The following UHRF2 variants were observed in gnomAD, a reference collection of about 807,000 sequenced individuals.
UHRF2 encodes the protein E3 ubiquitin-protein ligase UHRF2.
In UHRF2, 23 loss-of-function variants were observed where a neutral mutation model predicts 96.8. That is an observed-to-expected ratio of 0.24 (90% CI 0.17 to 0.34). UHRF2 has a LOEUF of 0.34. Ranked by LOEUF, UHRF2 falls within the 10% of genes least tolerant of loss-of-function variation. UHRF2 has a pLI of 1.00. For missense variants in UHRF2, 685 were observed against 981.5 expected (o/e 0.70, Z 4.04); for synonymous variants, 385 against 332.6 (o/e 1.16, Z -1.72).
intron 11 of UHRF2, 29 bp downstream of exon 11, chr9:6,497,389 G>T: frequency 6.2e-7 from 1 of 1,607,238 alleles, no homozygotes; most frequent in Non-Finnish European, 8.5e-7. Flanking sequence ...CATCTTGTTT[G>T]TCATTCTTCC....
Position 6,493,946 on chromosome 9 carries a change from C to G in UHRF2, c.1604+14C>G. On this transcript the variant is annotated intron_variant, in intron 10 of 15. Coordinates refer to ENST00000276893, the MANE Select transcript of UHRF2 (RefSeq NM_152896.3). ...AAACATGAACAGGTACTACTATAGACACTGTTTAGAATTTGAACATTGAAT... is the reference window on the plus strand; with the variant it reads ...AAACATGAACAGGTACTACTATAGAGACTGTTTAGAATTTGAACATTGAAT... 1.2e-6 allele frequency: 2 copies of G among 1,602,372 alleles called. No individual in the cohort carries two copies. Among genetic ancestry groups the G allele is most frequent in the Non-Finnish European group, 1.7e-6 (2 of 1,170,646 alleles).
intron 4 of UHRF2, among the ~76,000 whole-genome samples, chr9:6,462,808 A>G (rs531542758): frequency 1.1e-4 from 16 of 152,140 alleles, no homozygotes; most frequent in African/African-American, 2.9e-4. Context: ...TCCCAGCTAC[A>G]TGGGTGGCTG....
chr9:6,420,706 C>CA (rs879041284), intron 1 of UHRF2, among the ~76,000 whole-genome samples: 948 of 70,632 alleles, frequency 0.013, 1 homozygote, highest in African/African-American at 0.016. Context: ...GACACCGTCT[C>CA]AAAAAAAAAA....
At chr9:6,435,510 T>C (rs1820791342) in intron 3 of UHRF2, among the ~76,000 whole-genome samples, 1 of 152,214 alleles carries the variant, frequency 6.6e-6, no homozygotes, top group South Asian at 2.1e-4. Context: ...GTTTTTGACG[T>C]ACTACCACAA....
At chr9:6,468,512 T>C (rs1823016061) in intron 4 of UHRF2, 1 of 455,938 alleles carries the variant, frequency 2.2e-6, no homozygotes, top group South Asian at 1.5e-5. Flanking sequence ...AGCTTTGTAG[T>C]TGTGTTTTGC....
chr9:6,441,208 G>C (rs1466646137), intron 3 of UHRF2, among the ~76,000 whole-genome samples: 1 of 151,750 alleles, frequency 6.6e-6, no homozygotes, highest in Non-Finnish European at 1.5e-5. Flanking sequence ...GCAAAACCCA[G>C]TCTCTACAAA....
chr9:6,440,952 C>T (rs529986928), intron 3 of UHRF2, among the ~76,000 whole-genome samples: 1 of 152,188 alleles, frequency 6.6e-6, no homozygotes, highest in South Asian at 2.1e-4. Flanking sequence ...GATTCTATTT[C>T]ATTCCCTGTG....
intron 3 of UHRF2, among the ~76,000 whole-genome samples, chr9:6,437,797 T>C (rs1239516950): frequency 6.6e-6 from 1 of 152,102 alleles, no homozygotes; most frequent in Admixed American, 6.5e-5. Context: ...TTTGTATTTT[T>C]AGTTGAGACT....
intron 4 of UHRF2, among the ~76,000 whole-genome samples, chr9:6,469,918 CT>C (rs1463520237): frequency 1.3e-5 from 2 of 151,896 alleles, no homozygotes; most frequent in Non-Finnish European, 2.9e-5. Flanking sequence ...CAAAGAAGTT[CT>C]GTAAATTCTA....
At chr9:6,484,493 C>T (rs780545247) in intron 8 of UHRF2, 59 of 150,610 alleles carry the variant, frequency 3.9e-4, no homozygotes, top group African/African-American at 1.2e-3. Flanking sequence ...ACAGTCCCCT[C>T]CTGGGCTCAA....
At chr9:6,461,358 C>A (rs527551331) in intron 4 of UHRF2, among the ~76,000 whole-genome samples, 6 of 95,260 alleles carry the variant, frequency 6.3e-5, no homozygotes, top group Admixed American at 2.4e-4. Context: ...TCTCTCCCCC[C>A]CCTCCTCCTC....
chr9:6,483,535 C>T (rs1363965125), intron 8 of UHRF2, among the ~76,000 whole-genome samples: 1 of 152,090 alleles, frequency 6.6e-6, no homozygotes, highest in Non-Finnish European at 1.5e-5. Context: ...ACACAGCCGT[C>T]TGTTTATTTT....
chr9:6,481,865 T>A, intron 7 of UHRF2, 99 bp downstream of exon 7: 6 of 1,539,568 alleles, frequency 3.9e-6, no homozygotes, highest in Non-Finnish European at 5.3e-6. Context: ...AACAGTATCA[T>A]TATTTGTTAA....
At chr9:6,479,198 T>C (rs1272104922) in intron 6 of UHRF2, among the ~76,000 whole-genome samples, 1 of 152,198 alleles carries the variant, frequency 6.6e-6, no homozygotes, top group East Asian at 1.9e-4. Context: ...TCTCTACTAA[T>C]TGTTTCCATT....
intron 3 of UHRF2, among the ~76,000 whole-genome samples, chr9:6,441,373 C>G (rs901142373): frequency 3.4e-5 from 5 of 149,184 alleles, no homozygotes; most frequent in African/African-American, 1.2e-4. Context: ...AAACCTGTCT[C>G]TACCCCTCCC....
intron 4 of UHRF2, among the ~76,000 whole-genome samples, chr9:6,473,123 C>G (rs1823349224): frequency 6.6e-6 from 1 of 152,104 alleles, no homozygotes; most frequent in East Asian, 1.9e-4. Context: ...CAAGATGAAC[C>G]TGGAATATCT....
chr9:6,494,134 C>G (rs956038147), intron 10 of UHRF2: 5 of 509,442 alleles, frequency 9.8e-6, no homozygotes, highest in African/African-American at 5.8e-5. Context: ...GCCATAATTT[C>G]TAGTCTTACT....
chr9:6,416,535 C>CTTTTTTTTTTTT (rs60522189), intron 1 of UHRF2, among the ~76,000 whole-genome samples: 2 of 64,932 alleles, frequency 3.1e-5, no homozygotes, highest in Non-Finnish European at 5.3e-5. Flanking sequence ...ATCTCTAAAT[C>CTTTTTTTTTTTT]TTTTTTTTTT....
intron 2 of UHRF2, chr9:6,423,041 C>T (rs540379668): frequency 2.9e-5 from 5 of 172,778 alleles, no homozygotes; most frequent in Admixed American, 6.3e-5. Context: ...TTATCAGTTG[C>T]GATAAATGGG....
Sources: allele counts gnomAD v4.1 joint callset (sites outside exome capture counted in the v4.1 genomes callset), GRCh38; gene constraint gnomAD v4.1.1; transcripts MANE v1.5; gene names NCBI Gene and HGNC (gene_info 2026-07-23, HGNC 2026-07-21).